Variants in LHFPL1 observed in about 807,000 individuals in gnomAD.
The protein encoded by LHFPL1 is LHFPL tetraspan subfamily member 1.
LHFPL1 carries 4 observed loss-of-function variants against 12.1 expected under a neutral mutation model. The ratio of observed to expected loss-of-function variants is 0.33; its 90% CI spans 0.16 to 0.76. The LOEUF is 0.76. Among genes scored for constraint, LHFPL1 ranks in the 30% least tolerant of loss-of-function variants. The pLI is 0.61. For missense variants in LHFPL1, 141 were observed against 174.1 expected, an observed-to-expected ratio of 0.81 and a Z score of 1.07; for synonymous variants, 52 against 61.9, an observed-to-expected ratio of 0.84 and a Z score of 0.75.
chrX:112,657,639 C>T (rs779423498), intron 3 of LHFPL1, among the ~76,000 whole-genome samples: 1 of 111,448 alleles, frequency 9.0e-6, no homozygotes, highest in South Asian at 3.7e-4. Flanking sequence ...CATTTATGGA[C>T]AATTGACTTT....
chrX:112,636,622 A>C (rs983525923), intron 3 of LHFPL1, among the ~76,000 whole-genome samples: 3 of 111,650 alleles, frequency 2.7e-5, no homozygotes, highest in Admixed American at 9.5e-5. Flanking sequence ...GGGAAGCTCA[A>C]GGGGAGAGAT....
chrX:112,637,387 C>T (rs1307064113), intron 3 of LHFPL1, among the ~76,000 whole-genome samples: 10 of 111,852 alleles, frequency 8.9e-5, no homozygotes, highest in African/African-American at 3.3e-4. Context: ...GTTGTGGTGT[C>T]TGGCTAGCTG....
At chrX:112,672,009 G>A (rs1377132615) in intron 1 of LHFPL1, among the ~76,000 whole-genome samples, 4 of 111,573 alleles carry the variant, frequency 3.6e-5, no homozygotes, top group Non-Finnish European at 5.6e-5. Flanking sequence ...GTGTTAGTGC[G>A]CGCTTTTCAA....
Position 112,631,396 on chromosome X carries a change from C to A in LHFPL1, c.*24G>T. On this transcript the variant is annotated 3_prime_UTR_variant, in exon 4 of 4. Coordinates refer to ENST00000371968, the MANE Select transcript of LHFPL1 (RefSeq NM_178175.4). ...CAGGGCTCCCTCCTCCCCTTTCCCACCCTCTCCAATCTTCTTTCAAAGCTC... is the reference window on the plus strand; with the variant it reads ...CAGGGCTCCCTCCTCCCCTTTCCCAACCTCTCCAATCTTCTTTCAAAGCTC... 2 of 1,187,237 alleles carry A rather than the reference C, an allele frequency of 1.7e-6. No individual in the cohort carries two copies. Among genetic ancestry groups the A allele is most frequent in the Non-Finnish European group, 2.3e-6 (2 of 878,462 alleles).
chrX:112,679,405 C>T (rs1931743592), intron 1 of LHFPL1, among the ~76,000 whole-genome samples: 1 of 111,822 alleles, frequency 8.9e-6, no homozygotes, highest in South Asian at 3.7e-4. Flanking sequence ...CGCATAACCC[C>T]TTAGATTTAG....
At chrX:112,646,470 C>G (rs1306327859) in intron 3 of LHFPL1, among the ~76,000 whole-genome samples, 1 of 109,432 alleles carries the variant, frequency 9.1e-6, no homozygotes, top group African/African-American at 3.3e-5. Flanking sequence ...CAAACACATA[C>G]CCCAGAAGAC....
At chrX:112,678,762 G>T (rs763568863) in intron 1 of LHFPL1, among the ~76,000 whole-genome samples, 3 of 111,692 alleles carry the variant, frequency 2.7e-5, no homozygotes, top group Non-Finnish European at 5.6e-5. Context: ...CACTGAATTC[G>T]AATTTATGGG....
At chrX:112,670,127 G>C (rs892322766) in intron 2 of LHFPL1, among the ~76,000 whole-genome samples, 6 of 112,268 alleles carry the variant, frequency 5.3e-5, no homozygotes, top group Non-Finnish European at 1.1e-4. Context: ...ATAATGAATT[G>C]GGTAATAATT....
At chrX:112,655,450 A>T (rs1833513179) in intron 3 of LHFPL1, among the ~76,000 whole-genome samples, 1 of 112,306 alleles carries the variant, frequency 8.9e-6, no homozygotes, top group Admixed American at 9.4e-5. Context: ...GATAACTTGA[A>T]TGAAAACCTA....
chrX:112,642,009 G>C (rs1340743676), intron 3 of LHFPL1, among the ~76,000 whole-genome samples: 1 of 111,180 alleles, frequency 9.0e-6, no homozygotes, highest in African/African-American at 3.3e-5. Context: ...CCAGGGTGAG[G>C]CTAGGTGACA....
chrX:112,645,373 T>C (rs1930655586), intron 3 of LHFPL1, among the ~76,000 whole-genome samples: 1 of 111,911 alleles, frequency 8.9e-6, no homozygotes, highest in Non-Finnish European at 1.9e-5. Context: ...AGGTCCTTTT[T>C]CTGAAAACTA....
At chrX:112,636,476 A>T (rs1238217884) in intron 3 of LHFPL1, among the ~76,000 whole-genome samples, 1 of 112,259 alleles carries the variant, frequency 8.9e-6, no homozygotes, top group East Asian at 2.8e-4. Flanking sequence ...CTTGATGACT[A>T]AAAGATTAGC....
chrX:112,667,932 C>T (rs1230174116), intron 2 of LHFPL1, among the ~76,000 whole-genome samples: 2 of 110,196 alleles, frequency 1.8e-5, no homozygotes, highest in Admixed American at 9.6e-5. Flanking sequence ...TGTGGGCAGC[C>T]GCCAAACTGG....
At chrX:112,678,734 G>A (rs1931722657) in intron 1 of LHFPL1, among the ~76,000 whole-genome samples, 1 of 111,892 alleles carries the variant, frequency 8.9e-6, no homozygotes, top group Admixed American at 9.5e-5. Flanking sequence ...TGCAGACTAT[G>A]TCACCCCCTC....
intron 3 of LHFPL1, among the ~76,000 whole-genome samples, chrX:112,638,921 A>G (rs1041861572): frequency 4.5e-5 from 5 of 111,416 alleles, no homozygotes; most frequent in Admixed American, 9.5e-5. Context: ...CATTTTTGCC[A>G]TGAAGACCTG....
intron 3 of LHFPL1, among the ~76,000 whole-genome samples, chrX:112,656,286 G>A (rs1449072929): frequency 9.0e-6 from 1 of 111,110 alleles, no homozygotes; most frequent in Non-Finnish European, 1.9e-5. Flanking sequence ...AGTAAATGAA[G>A]AAAAGGCATC....
Position 112,657,031 on chromosome X carries a change from A to G in LHFPL1, c.481+3596T>C, listed in dbSNP as rs181516051. On this transcript the variant is annotated intron_variant, in intron 3 of 3. Coordinates refer to ENST00000371968, the MANE Select transcript of LHFPL1 (RefSeq NM_178175.4). ...ATTCAAAATTAGAAGTACAGTTTCTACTAAATGTGTATCATTTTTGCACCA... is the reference window on the plus strand; with the variant it reads ...ATTCAAAATTAGAAGTACAGTTTCTGCTAAATGTGTATCATTTTTGCACCA... Among the ~76,000 whole-genome samples, 9 of 112,528 alleles carry G rather than the reference A, an allele frequency of 8.0e-5. No individual in the cohort carries two copies. The East Asian group carries it at 1.7e-3, about 21-fold the overall frequency.
intron 3 of LHFPL1, among the ~76,000 whole-genome samples, chrX:112,638,941 T>G (rs1437704156): frequency 9.0e-6 from 1 of 111,461 alleles, no homozygotes; most frequent in Non-Finnish European, 1.9e-5. Flanking sequence ...GAATTTTATG[T>G]TAGCAAGAAA....
At chrX:112,636,295 CAGAG>C (rs746782041) in intron 3 of LHFPL1, among the ~76,000 whole-genome samples, 1 of 111,356 alleles carries the variant, frequency 9.0e-6, no homozygotes, top group South Asian at 3.8e-4. Flanking sequence ...AGGATATAGA[CAGAG>C]AGAGTTACCA....
Sources: allele counts gnomAD v4.1 joint callset (sites outside exome capture counted in the v4.1 genomes callset), GRCh38; gene constraint gnomAD v4.1.1; transcripts MANE v1.5; gene names NCBI Gene and HGNC (gene_info 2026-07-23, HGNC 2026-07-21).